The following EPHA5 variants were observed in gnomAD, a reference collection of about 807,000 sequenced individuals.
EPHA5 encodes EPH receptor A5, also known as ephrin type-A receptor 5.
EPHA5 carries 60 observed loss-of-function variants against 105.0 expected under a neutral mutation model. The observed-to-expected ratio is 0.57, with a 90% confidence interval of 0.46 to 0.71. The LOEUF (loss-of-function observed/expected upper bound fraction) is 0.71. Among genes scored for constraint, EPHA5 ranks in the 30% least tolerant of loss-of-function variants. The pLI is 0.00. For missense variants in EPHA5, 1,218 were observed against 1,274.7 expected (o/e 0.96, Z 0.68); for synonymous variants, 513 against 449.1 (o/e 1.14, Z -1.80).
intron 15 of EPHA5, among the ~76,000 whole-genome samples, chr4:65,333,613 CTTTT>C (rs778146562): frequency 3.8e-5 from 3 of 79,186 alleles, no homozygotes; most frequent in South Asian, 9.2e-4. Context: ...GCCTGCTAGT[CTTTT>C]TTTTTTTTTT....
At chr4:65,628,819 C>T (rs774864849) in intron 2 of EPHA5, among the ~76,000 whole-genome samples, 15 of 152,112 alleles carry the variant, frequency 9.9e-5, no homozygotes, top group Non-Finnish European at 2.1e-4. Context: ...ATTGGCTTAT[C>T]GCACATTCGC....
chr4:65,461,783 T>G (rs1005725539), intron 5 of EPHA5, among the ~76,000 whole-genome samples: 1 of 151,948 alleles, frequency 6.6e-6, no homozygotes, highest in Non-Finnish European at 1.5e-5. Context: ...CCATGATGTA[T>G]CCAAAGAGCT....
chr4:65,466,715 G>GA (rs1379008250), intron 5 of EPHA5, among the ~76,000 whole-genome samples: 1 of 152,170 alleles, frequency 6.6e-6, no homozygotes, highest in East Asian at 1.9e-4. Context: ...TTAGATGTGG[G>GA]ATGTGAGGAG....
chr4:65,369,563 T>C (rs918937413), intron 8 of EPHA5, among the ~76,000 whole-genome samples: 1 of 152,178 alleles, frequency 6.6e-6, no homozygotes, highest in African/African-American at 2.4e-5. Context: ...TTAAAATATA[T>C]GTATATTTTG....
chr4:65,351,031 C>CTATATATA (rs34164927), intron 13 of EPHA5, among the ~76,000 whole-genome samples: 1 of 149,964 alleles, frequency 6.7e-6, no homozygotes, highest in African/African-American at 2.4e-5. Context: ...CACATACATA[C>CTATATATA]TATATATATA....
chr4:65,484,540 T>C (rs1023285229), intron 5 of EPHA5, among the ~76,000 whole-genome samples: 1 of 152,166 alleles, frequency 6.6e-6, no homozygotes, highest in Non-Finnish European at 1.5e-5. Context: ...CATGTCAACA[T>C]AGCCCTCTGG....
chr4:65,557,055 T>A (rs1196973877), intron 3 of EPHA5, among the ~76,000 whole-genome samples: 1 of 151,628 alleles, frequency 6.6e-6, no homozygotes, highest in African/African-American at 2.4e-5. Flanking sequence ...TCGATGAAGG[T>A]GTGATAAGGC....
intron 2 of EPHA5, among the ~76,000 whole-genome samples, chr4:65,625,744 G>C (rs962162475): frequency 1.3e-5 from 2 of 152,036 alleles, no homozygotes; most frequent in Non-Finnish European, 2.9e-5. Flanking sequence ...ATAAATTTTG[G>C]CATCATTCAA....
intron 8 of EPHA5, among the ~76,000 whole-genome samples, chr4:65,389,132 G>T (rs1720444982): frequency 6.6e-6 from 1 of 152,086 alleles, no homozygotes; most frequent in South Asian, 2.1e-4. Context: ...CCTCTAAATT[G>T]GTAATTCCTT....
intron 8 of EPHA5, among the ~76,000 whole-genome samples, chr4:65,393,034 T>C (rs1720877899): frequency 6.6e-6 from 1 of 152,160 alleles, no homozygotes; most frequent in Non-Finnish European, 1.5e-5. Context: ...AAGGAGAGAA[T>C]ACTTTGGCTA....
intron 7 of EPHA5, among the ~76,000 whole-genome samples, chr4:65,406,851 C>T (rs562822895): frequency 2.5e-4 from 38 of 152,096 alleles, no homozygotes; most frequent in African/African-American, 8.7e-4. Flanking sequence ...AGCAAATAAA[C>T]GTATCATTAA....
intron 1 of EPHA5, among the ~76,000 whole-genome samples, chr4:65,665,652 A>G (rs13149716): frequency 0.29 from 43,575 of 151,910 alleles, 6,860 homozygotes; most frequent in East Asian, 0.56. Flanking sequence ...TTTCCAATCA[A>G]AGAAAAATCT....
At chr4:65,607,263 G>C (rs1319169335) in intron 2 of EPHA5, among the ~76,000 whole-genome samples, 2 of 151,848 alleles carry the variant, frequency 1.3e-5, no homozygotes, top group Non-Finnish European at 2.9e-5. Context: ...CAGGACATAG[G>C]CATGGGCAAA....
chr4:65,657,664 A>G (rs1437033549), intron 1 of EPHA5, among the ~76,000 whole-genome samples: 1 of 152,166 alleles, frequency 6.6e-6, no homozygotes, highest in Admixed American at 6.6e-5. Flanking sequence ...ATTTATGAAA[A>G]GAGCTATGTT....
In EPHA5 at chr4:65,595,908, T is replaced by C. The variant is rs117827378; in HGVS notation, c.910+5733A>G. Among the ~76,000 whole-genome samples, 49 of 152,264 alleles carry C rather than the reference T, an allele frequency of 3.2e-4. No individual in the cohort carries two copies. The East Asian group carries it at 9.3e-3, about 29-fold the overall frequency. ...AAGATTTTTATGAGCTAGTTAGAGA[T>C]GAGAACAGCAAAGAACAGAGAGATT... On this transcript the variant is annotated intron_variant, in intron 3 of 16. Coordinates refer to ENST00000613740, the MANE Select transcript of EPHA5 (RefSeq NM_001281766.3).
intron 11 of EPHA5, among the ~76,000 whole-genome samples, chr4:65,358,756 G>T (rs1159253839): frequency 6.6e-6 from 1 of 151,412 alleles, no homozygotes; most frequent in Non-Finnish European, 1.5e-5. Flanking sequence ...ATTTCAGATT[G>T]GGCAAATAAG....
At chr4:65,463,369 A>G (rs150836255) in intron 5 of EPHA5, among the ~76,000 whole-genome samples, 250 of 152,286 alleles carry the variant, frequency 1.6e-3, no homozygotes, top group African/African-American at 5.8e-3. Flanking sequence ...GAAGTAAATC[A>G]TTTTGTTCAA....
intron 8 of EPHA5, among the ~76,000 whole-genome samples, chr4:65,396,219 G>A (rs148260004): frequency 7.9e-5 from 12 of 152,288 alleles, no homozygotes; most frequent in Non-Finnish European, 1.6e-4. Flanking sequence ...GTGTGCATTC[G>A]GGGCAGTGCT....
rs145043910 is a variant in EPHA5 at position 65,355,838 on chromosome 4, A to G, written c.2174-2735T>C. Among the ~76,000 whole-genome samples the G allele has an allele frequency of 3.6e-4, 55 of 151,700 alleles. No homozygotes were observed. In the East Asian group the frequency reaches 0.011, roughly 29 times the overall value. ...ATTTCAATCAATTTACAAGGAATAGAGTCAAAGGGTATGTACCTGACAAAG... is the reference window on the plus strand; with the variant it reads ...ATTTCAATCAATTTACAAGGAATAGGGTCAAAGGGTATGTACCTGACAAAG... On this transcript the variant is annotated intron_variant, in intron 11 of 16. Coordinates refer to ENST00000613740, the MANE Select transcript of EPHA5 (RefSeq NM_001281766.3).
Sources: gnomAD v4.1 joint callset for allele counts (sites outside exome capture counted in the v4.1 genomes callset) on GRCh38, gnomAD v4.1.1 for gene constraint, MANE v1.5 for transcripts, NCBI Gene and HGNC (gene_info 2026-07-23, HGNC 2026-07-21) for gene names.